Variants in ZNF652 observed in about 807,000 individuals in gnomAD.
ZNF652 encodes the protein zinc finger protein 652.
Under a neutral mutation model 45.2 loss-of-function variants are expected in ZNF652, and 16 were observed. The observed-to-expected ratio is 0.35, with a 90% CI of 0.24 to 0.54. ZNF652 has a LOEUF of 0.54. ZNF652 is among the 20% of genes least tolerant of loss of function. ZNF652 has a pLI of 0.91. For synonymous variants in ZNF652, 250 were observed against 260.6 expected (o/e 0.96, Z 0.39); for missense variants, 614 against 765.6 (o/e 0.80, Z 2.34).
At chr17:49,301,946 A>G (rs966122246) in intron 5 of ZNF652, among the ~76,000 whole-genome samples, 2 of 151,952 alleles carry the variant, frequency 1.3e-5, no homozygotes, top group Non-Finnish European at 2.9e-5. Flanking sequence ...TTTGATGGAA[A>G]ATACCACTGA....
intron 5 of ZNF652, among the ~76,000 whole-genome samples, chr17:49,307,128 T>A (rs902554477): frequency 4.6e-5 from 7 of 151,918 alleles, no homozygotes; most frequent in Non-Finnish European, 7.4e-5. Context: ...GCTAAATAAA[T>A]GGAGAAAACA....
chr17:49,324,766 G>C (rs1449146981), intron 1 of ZNF652, among the ~76,000 whole-genome samples: 5 of 111,046 alleles, frequency 4.5e-5, no homozygotes, highest in African/African-American at 1.8e-4. Flanking sequence ...TTGAGATGGA[G>C]TTTCACTCTT....
intron 1 of ZNF652, among the ~76,000 whole-genome samples, chr17:49,339,053 G>A (rs2070114390): frequency 1.3e-5 from 2 of 152,166 alleles, no homozygotes; most frequent in South Asian, 4.1e-4. Flanking sequence ...CTCAGACTTG[G>A]GCGGACTTCT....
chr17:49,348,061 C>A (rs1041945070), intron 1 of ZNF652, among the ~76,000 whole-genome samples: 1 of 151,942 alleles, frequency 6.6e-6, no homozygotes, highest in Admixed American at 6.6e-5. Context: ...TTAATCTTAT[C>A]AAGCCTATAG....
chr17:49,354,778 T>C (rs2070318467), intron 1 of ZNF652, among the ~76,000 whole-genome samples: 1 of 151,870 alleles, frequency 6.6e-6, no homozygotes, highest in Non-Finnish European at 1.5e-5. Flanking sequence ...CAGGCTGGAG[T>C]GCAGTGGTGC....
chr17:49,298,426 GCTGAA>G lies in ZNF652; in HGVS notation c.1803_1807del (p.Ser602ThrfsTer28). Reference sequence around the variant, plus strand: ...AGGAGACGGATGTTAATGATGCTGTGCTGAACTGTTCTTCTCTGCCAGGTGCCGCA... The same window carrying G: ...AGGAGACGGATGTTAATGATGCTGTGCTGTTCTTCTCTGCCAGGTGCCGCA... On this transcript the variant is annotated frameshift_variant, in exon 6 of 6. Coordinates refer to ENST00000430262, the MANE Select transcript of ZNF652 (RefSeq NM_001145365.3). LOFTEE classifies it high-confidence loss of function. The G allele has an allele frequency of 6.2e-7, 1 of 1,612,692 alleles. No homozygotes were observed. The highest frequency in any genetic ancestry group is 8.5e-7 in the Non-Finnish European group (1 of 1,180,038).
At chr17:49,308,350 G>T (rs2069661159) in intron 5 of ZNF652, among the ~76,000 whole-genome samples, 1 of 151,872 alleles carries the variant, frequency 6.6e-6, no homozygotes, top group Non-Finnish European at 1.5e-5. Flanking sequence ...CCTAACTTTT[G>T]TATTTTTGCA....
At chr17:49,335,971 G>C (rs1285823134) in intron 1 of ZNF652, among the ~76,000 whole-genome samples, 1 of 152,012 alleles carries the variant, frequency 6.6e-6, no homozygotes, top group Non-Finnish European at 1.5e-5. Context: ...TGCAAAAAAG[G>C]ATGTAGAAGA....
chr17:49,339,551 A>G (rs888375537), intron 1 of ZNF652, among the ~76,000 whole-genome samples: 2 of 152,078 alleles, frequency 1.3e-5, no homozygotes, highest in Non-Finnish European at 2.9e-5. Context: ...TTCCAAGACA[A>G]TCTGGCCTCT....
At chr17:49,359,953 T>C (rs2070375373) in intron 1 of ZNF652, among the ~76,000 whole-genome samples, 2 of 152,212 alleles carry the variant, frequency 1.3e-5, no homozygotes, top group African/African-American at 4.8e-5. Flanking sequence ...AGCCAACGCA[T>C]AAAGATTCAG....
chr17:49,311,781 C>A, intron 4 of ZNF652, 146 bp downstream of exon 4: 1 of 648,210 alleles, frequency 1.5e-6, no homozygotes, highest in Non-Finnish European at 2.7e-6. Context: ...GCAGTGACAG[C>A]GCACACAGAG....
intron 1 of ZNF652, among the ~76,000 whole-genome samples, chr17:49,329,144 G>C (rs755975024): frequency 1.6e-4 from 24 of 152,178 alleles, no homozygotes; most frequent in Non-Finnish European, 2.6e-4. Flanking sequence ...ATACATTTCA[G>C]TTTTCAAACT....
At chr17:49,320,684 AAATAAACTCATATTATC>A (rs2069877485) in intron 1 of ZNF652, among the ~76,000 whole-genome samples, 1 of 152,262 alleles carries the variant, frequency 6.6e-6, no homozygotes, top group African/African-American at 2.4e-5. Context: ...AGTATCATTT[AAATAAACTCATATTATC>A]TCAAATTAAG....
At chr17:49,315,730 G>A (rs947731486) in intron 2 of ZNF652, among the ~76,000 whole-genome samples, 19 of 152,140 alleles carry the variant, frequency 1.2e-4, no homozygotes, top group Non-Finnish European at 1.6e-4. Context: ...GGCAGTTACC[G>A]GAGGATATGG....
At chr17:49,356,469 A>AC (rs397703161) in intron 1 of ZNF652, among the ~76,000 whole-genome samples, 4 of 150,778 alleles carry the variant, frequency 2.7e-5, no homozygotes, top group Non-Finnish European at 5.9e-5. Context: ...CAAAAAAAAA[A>AC]CAAAAAAAAC....
rs117925025 is a variant in ZNF652, at chr17:49,360,761, T to A, written c.-259+1148A>T. ...CTGGCCATCCTCTGGAAAAAAAAAA[T>A]ACACATTCTTTCCTGAATACTACCC... On this transcript the variant is annotated intron_variant, in intron 1 of 5. Transcript: ENST00000430262. 3.3e-3 allele frequency among the ~76,000 whole-genome samples: 496 copies of A among 151,714 alleles called. 20 individuals carry two copies. In the East Asian group the frequency reaches 0.083, roughly 25 times the overall value.
intron 1 of ZNF652, among the ~76,000 whole-genome samples, chr17:49,339,618 G>A (rs1206284860): frequency 2.0e-5 from 3 of 152,140 alleles, no homozygotes; most frequent in Non-Finnish European, 2.9e-5. Flanking sequence ...AGTGACATCC[G>A]ACATTATCTT....
intron 1 of ZNF652, among the ~76,000 whole-genome samples, chr17:49,350,200 T>C (rs954253141): frequency 2.0e-5 from 3 of 152,128 alleles, no homozygotes; most frequent in African/African-American, 7.2e-5. Context: ...AGTTGCACTC[T>C]ACTTGTAACT....
Position 49,290,059 on chromosome 17 carries a change from T to C in ZNF652, c.*8354A>G, listed in dbSNP as rs1567905896. 1 of 152,250 alleles carries C rather than the reference T, an allele frequency of 6.6e-6. No individual in the cohort carries two copies. The highest frequency in any genetic ancestry group is 1.5e-5 in the Non-Finnish European group (1 of 68,054). The allele number at this position is 152,250 out of a possible 1,614,324, so 9.4% of individuals were successfully genotyped here. A position where few individuals can be genotyped will look rare whatever the true frequency, so the allele number is the denominator to read the frequency against. On this transcript the variant is annotated 3_prime_UTR_variant, in exon 6 of 6. Transcript: ENST00000430262. ...AAACAAACAAGTTGCACCTGGCCACTTGCTGCCTAAACCAATCACAGCTTC... is the reference window on the plus strand; with the variant it reads ...AAACAAACAAGTTGCACCTGGCCACCTGCTGCCTAAACCAATCACAGCTTC...
Sources: gnomAD v4.1 joint callset for allele counts (sites outside exome capture counted in the v4.1 genomes callset) on GRCh38, gnomAD v4.1.1 for gene constraint, MANE v1.5 for transcripts, NCBI Gene and HGNC (gene_info 2026-07-23, HGNC 2026-07-21) for gene names.